The following C12orf42 variants were observed in gnomAD, a reference collection of about 807,000 sequenced individuals.
C12orf42 encodes the protein chromosome 12 open reading frame 42.
In C12orf42, 25 loss-of-function variants were observed where a neutral mutation model predicts 21.6. That is an observed-to-expected ratio of 1.16 (90% confidence interval 0.84 to 1.62). The LOEUF (loss-of-function observed/expected upper bound fraction) is 1.62. Ranked by LOEUF, C12orf42 falls within the 40% of genes most tolerant of loss-of-function variation. The pLI, the probability that C12orf42 is intolerant of heterozygous loss-of-function variation, is 0.00. For missense variants in C12orf42, 483 were observed against 459.3 expected, an observed-to-expected ratio of 1.05 and a Z score of -0.47; for synonymous variants, 174 against 175.0, an observed-to-expected ratio of 0.99 and a Z score of 0.05.
At position 103,302,532 on chromosome 12, in the gene C12orf42, A is replaced by G. The variant is rs2037807420; in HGVS notation, c.659T>C (p.Ile220Thr). 6.2e-7 allele frequency: 1 copy of G among 1,610,568 alleles called. No individual in the cohort carries two copies. Among genetic ancestry groups the G allele is most frequent in the African/African-American group, 1.3e-5 (1 of 74,802 alleles). Reference protein sequence around the residue: ...SGSAARPSTAIGLCRRSQTPG... With the variant: ...SGSAARPSTATGLCRRSQTPG... ...CGTCTGGCTCCTCCTGCAGAGGCCG[A>G]TGGCAGTGGAAGGTCTGGCGGCAGA... Residue 220 changes from isoleucine to threonine, a missense_variant, in exon 6 of 6, where the codon ATC (isoleucine) becomes ACC (threonine). Coordinates refer to ENST00000548883, the MANE Select transcript of C12orf42 (RefSeq NM_198521.5).
the C12orf42 span, among the ~76,000 whole-genome samples, chr12:103,207,876 C>G: frequency 6.6e-6 from 1 of 152,186 alleles, no homozygotes; most frequent in African/African-American, 2.4e-5. Flanking sequence ...TACAGGCAAG[C>G]TTAATGGAGT....
chr12:103,437,742 C>G (rs1345067740), intron 2 of C12orf42, among the ~76,000 whole-genome samples: 3 of 147,416 alleles, frequency 2.0e-5, no homozygotes, highest in Non-Finnish European at 4.5e-5. Context: ...ATAACAGGAT[C>G]TGAAATTGAG....
chr12:103,327,679 T>C (rs1241620819), intron 4 of C12orf42, among the ~76,000 whole-genome samples: 1 of 152,212 alleles, frequency 6.6e-6, no homozygotes, highest in East Asian at 1.9e-4. Flanking sequence ...TTACCATACA[T>C]ACAGGTAGGA....
chr12:103,197,307 T>C, the C12orf42 span, among the ~76,000 whole-genome samples: 1 of 152,306 alleles, frequency 6.6e-6, no homozygotes, highest in Non-Finnish European at 1.5e-5. Context: ...TAGGGTTCCC[T>C]TGGTGGGGAT....
At chr12:103,517,184 T>C in the C12orf42 span, among the ~76,000 whole-genome samples, 8 of 152,176 alleles carry the variant, frequency 5.3e-5, no homozygotes, top group East Asian at 1.5e-3. Flanking sequence ...TGTGTATTGG[T>C]TTTTGGTTTT....
At chr12:103,524,416 C>CTG in the C12orf42 span, among the ~76,000 whole-genome samples, 7 of 152,172 alleles carry the variant, frequency 4.6e-5, no homozygotes, top group African/African-American at 1.7e-4. Context: ...GTCAGGTTTT[C>CTG]TGTGTGTGTC....
intron 10 of C12orf42, among the ~76,000 whole-genome samples, chr12:103,248,228 T>C (rs932010896): frequency 1.3e-5 from 2 of 152,064 alleles, no homozygotes; most frequent in African/African-American, 4.8e-5. Flanking sequence ...ATGAATCCAT[T>C]TTTCTTAGCA....
At chr12:103,532,009 G>A in the C12orf42 span, among the ~76,000 whole-genome samples, 2 of 152,278 alleles carry the variant, frequency 1.3e-5, no homozygotes, top group African/African-American at 4.8e-5. Flanking sequence ...ACCTTAACAT[G>A]TCGCATAAAC....
chr12:103,294,207 C>G (rs117257051), intron 4 of C12orf42, among the ~76,000 whole-genome samples: 2,563 of 151,890 alleles, frequency 0.017, 40 homozygotes, highest in Middle Eastern at 0.027. Context: ...TGCAGAGTAC[C>G]TAGGATGGTA....
intron 4 of C12orf42, among the ~76,000 whole-genome samples, chr12:103,329,379 G>T (rs1006803457): frequency 6.6e-6 from 1 of 152,044 alleles, no homozygotes; most frequent in Admixed American, 6.6e-5. Flanking sequence ...AGGTCCTGTC[G>T]GTGGGTGGAG....
the C12orf42 span, among the ~76,000 whole-genome samples, chr12:103,556,530 A>T: frequency 6.6e-6 from 1 of 152,198 alleles, no homozygotes; most frequent in Non-Finnish European, 1.5e-5. Context: ...TGGAGCAATC[A>T]TTCTGAGGAA....
At chr12:103,415,523 C>G (rs1255031836) in intron 2 of C12orf42, among the ~76,000 whole-genome samples, 1 of 152,160 alleles carries the variant, frequency 6.6e-6, no homozygotes, top group African/African-American at 2.4e-5. Flanking sequence ...CAGCCACATG[C>G]TCAGTCATAA....
chr12:103,062,889 T>G, the C12orf42 span, among the ~76,000 whole-genome samples: 1 of 152,190 alleles, frequency 6.6e-6, no homozygotes, highest in African/African-American at 2.4e-5. Flanking sequence ...ACACATATGT[T>G]AAATATTTTC....
At chr12:103,339,714 A>C (rs984505937) in intron 4 of C12orf42, among the ~76,000 whole-genome samples, 2 of 152,240 alleles carry the variant, frequency 1.3e-5, no homozygotes, top group African/African-American at 4.8e-5. Flanking sequence ...GAAATTGTGG[A>C]GAAAAAGGAA....
At chr12:103,486,386 T>C (rs1344701046) in intron 1 of C12orf42, among the ~76,000 whole-genome samples, 1 of 152,226 alleles carries the variant, frequency 6.6e-6, no homozygotes, top group Non-Finnish European at 1.5e-5. Context: ...AGTATTTTAT[T>C]GAGGATTTTT....
chr12:103,358,515 T>C (rs114480479), intron 4 of C12orf42, among the ~76,000 whole-genome samples: 24 of 152,036 alleles, frequency 1.6e-4, no homozygotes, highest in Admixed American at 5.9e-4. Context: ...AGTCTTATTC[T>C]ACTCTATATG....
At chr12:103,104,708 C>T in the C12orf42 span, among the ~76,000 whole-genome samples, 1 of 152,244 alleles carries the variant, frequency 6.6e-6, no homozygotes, top group Non-Finnish European at 1.5e-5. Context: ...GCTGGCATTA[C>T]AGGCGTGAGC....
At chr12:103,294,481 G>A (rs2037065245) in intron 4 of C12orf42, among the ~76,000 whole-genome samples, 1 of 113,880 alleles carries the variant, frequency 8.8e-6, no homozygotes, top group Non-Finnish European at 1.9e-5. Context: ...AAATAAGCAA[G>A]CAAGCAAGAA....
intron 4 of C12orf42, among the ~76,000 whole-genome samples, chr12:103,356,820 C>T (rs1247591435): frequency 3.3e-5 from 5 of 151,920 alleles, no homozygotes; most frequent in Non-Finnish European, 5.9e-5. Flanking sequence ...GCATAAATGT[C>T]TTCTTTTGAG....
Sources: gnomAD v4.1 joint callset for allele counts (sites outside exome capture counted in the v4.1 genomes callset) on GRCh38, gnomAD v4.1.1 for gene constraint, MANE v1.5 for transcripts, NCBI Gene and HGNC (gene_info 2026-07-23, HGNC 2026-07-21) for gene names.